The following CCDC171 variants were observed in gnomAD, a reference collection of about 807,000 sequenced individuals.
CCDC171 encodes the protein coiled-coil domain-containing protein 171.
A neutral mutation model predicts 168.2 loss-of-function variants in CCDC171; 177 were observed. The ratio of observed to expected loss-of-function variants is 1.05; its 90% CI spans 0.93 to 1.19. CCDC171 has a LOEUF of 1.19. CCDC171 is among the 50% of genes most tolerant of loss of function. CCDC171 has a pLI of 0.00. For synonymous variants in CCDC171, 687 were observed against 540.8 expected, an observed-to-expected ratio of 1.27 and a Z score of -3.75; for missense variants, 1,991 against 1,539.0, an observed-to-expected ratio of 1.29 and a Z score of -4.91.
chr9:16,105,577 T>C, the CCDC171 span, among the ~76,000 whole-genome samples: 1 of 152,212 alleles, frequency 6.6e-6, no homozygotes, highest in South Asian at 2.1e-4. Context: ...AATGAACTCA[T>C]CTAACAGCAA....
At position 15,809,792 on chromosome 9, in the gene CCDC171, C is replaced by T. The variant is rs139782035; in HGVS notation, c.3267+25098C>T. On this transcript the variant is annotated intron_variant, in intron 21 of 25. Transcript: ENST00000380701. The stretch of plus-strand genomic sequence containing the variant: ...AAAGAGCGAAAGAACAAAGCTTCCA[C>T]AATGTGGAAGAGGACCCGAACGGGT... Among the ~76,000 whole-genome samples the T allele has an allele frequency of 1.5e-3, 221 of 152,276 alleles. 1 individual carries two copies. The highest frequency in any genetic ancestry group is 5.1e-3 in the African/African-American group (212 of 41,562).
At chr9:15,747,424 G>T (rs964591848) in intron 18 of CCDC171, among the ~76,000 whole-genome samples, 1 of 152,178 alleles carries the variant, frequency 6.6e-6, no homozygotes, top group South Asian at 2.1e-4. Flanking sequence ...GCATCCTCAA[G>T]TGGGTCCCTG....
the CCDC171 span, among the ~76,000 whole-genome samples, chr9:16,075,348 T>C: frequency 6.6e-6 from 1 of 152,240 alleles, no homozygotes; most frequent in Non-Finnish European, 1.5e-5. Flanking sequence ...TCTCTTTTGA[T>C]TTCCTGTTCC....
the CCDC171 span, among the ~76,000 whole-genome samples, chr9:16,085,790 G>T: frequency 3.6e-3 from 550 of 152,290 alleles, 2 homozygotes; most frequent in African/African-American, 0.013. Context: ...GCCCAAGACT[G>T]TGTGAGACCT....
At chr9:15,678,106 T>C (rs2133398219) in intron 9 of CCDC171, among the ~76,000 whole-genome samples, 1 of 151,050 alleles carries the variant, frequency 6.6e-6, no homozygotes, top group South Asian at 2.1e-4. Flanking sequence ...AGATCGAGTC[T>C]TGTTTTGTTG....
Position 15,779,107 on chromosome 9 carries a change from A to C in CCDC171, c.3038A>C (p.Lys1013Thr). Residue 1013 changes from lysine to threonine, a missense_variant, in exon 20 of 26, where the codon AAA (lysine) becomes ACA (threonine). By Grantham distance (78) the Lys-to-Thr change is moderately conservative. Transcript: ENST00000380701. ...AATGAAATGAAAAAGGAGCTTGACA[A>C]AGCCCAGGGTCTGCAAATGCAATTA... Reference protein sequence around the residue: ...SVNEMKKELDKAQGLQMQLNE... With the variant: ...SVNEMKKELDTAQGLQMQLNE... The C allele has an allele frequency of 6.3e-7, 1 of 1,598,142 alleles. No homozygotes were observed. Among genetic ancestry groups the C allele is most frequent in the Non-Finnish European group, 8.5e-7 (1 of 1,173,692 alleles).
At chr9:15,890,145 G>C (rs1184475621) in intron 24 of CCDC171, among the ~76,000 whole-genome samples, 2 of 151,842 alleles carry the variant, frequency 1.3e-5, no homozygotes, top group African/African-American at 4.8e-5. Flanking sequence ...TGTACTCTGG[G>C]ACACAAAGGT....
chr9:15,987,215 A>G (rs1263284482), intron 3 of CCDC171, among the ~76,000 whole-genome samples: 1 of 152,188 alleles, frequency 6.6e-6, no homozygotes, highest in Non-Finnish European at 1.5e-5. Flanking sequence ...AAAGTAGAGA[A>G]AAAATTTGTA....
At chr9:15,908,562 T>C (rs200805289) in intron 24 of CCDC171, among the ~76,000 whole-genome samples, 1 of 152,072 alleles carries the variant, frequency 6.6e-6, no homozygotes, top group Admixed American at 6.6e-5. Flanking sequence ...GTTAAATGAT[T>C]AGTTACTGGG....
the CCDC171 span, among the ~76,000 whole-genome samples, chr9:16,095,869 C>CATATAT: frequency 0.037 from 4,588 of 123,530 alleles, 122 homozygotes; most frequent in East Asian, 0.065. Context: ...CACATAGGCA[C>CATATAT]ATATATATAT....
At chr9:15,666,763 T>C (rs1426296549) in intron 9 of CCDC171, among the ~76,000 whole-genome samples, 4 of 152,146 alleles carry the variant, frequency 2.6e-5, no homozygotes, top group Non-Finnish European at 5.9e-5. Flanking sequence ...AGTTCAAGGC[T>C]GAAGTGAGCT....
chr9:15,699,495 T>C (rs977565739), intron 11 of CCDC171, among the ~76,000 whole-genome samples: 2 of 152,152 alleles, frequency 1.3e-5, no homozygotes, highest in Admixed American at 1.3e-4. Context: ...GTCCTGCTGA[T>C]TGGTAGAGCC....
intron 24 of CCDC171, among the ~76,000 whole-genome samples, chr9:15,887,470 C>G (rs1819583206): frequency 6.6e-6 from 1 of 151,826 alleles, no homozygotes; most frequent in African/African-American, 2.4e-5. Context: ...AAGTAACTCA[C>G]TGAAGAAAAC....
chr9:15,995,703 T>C (rs528993052), intron 3 of CCDC171, among the ~76,000 whole-genome samples: 26 of 152,378 alleles, frequency 1.7e-4, no homozygotes, highest in Admixed American at 4.6e-4. Context: ...TGTTGCTTCA[T>C]GATCAGCAGA....
chr9:15,656,348 G>C (rs1244575745), intron 7 of CCDC171, among the ~76,000 whole-genome samples: 1 of 151,028 alleles, frequency 6.6e-6, no homozygotes. Flanking sequence ...AAATCAATAT[G>C]TACCTGTCAT....
At chr9:15,751,454 C>T (rs963641012) in intron 18 of CCDC171, among the ~76,000 whole-genome samples, 1 of 152,144 alleles carries the variant, frequency 6.6e-6, no homozygotes, top group Non-Finnish European at 1.5e-5. Context: ...CCAAGAAGAG[C>T]CCGCATAGCC....
intron 25 of CCDC171, among the ~76,000 whole-genome samples, chr9:15,939,211 C>T (rs1369492361): frequency 6.6e-6 from 1 of 151,358 alleles, no homozygotes; most frequent in Non-Finnish European, 1.5e-5. Context: ...TAAATATTCT[C>T]ACTATTTCAT....
chr9:15,998,381 T>C lies in CCDC171; in HGVS notation n.369-22208T>C, dbSNP rs566907726. 2.4e-3 allele frequency among the ~76,000 whole-genome samples: 372 copies of C among 152,302 alleles called. 2 individuals are homozygous for C. Among genetic ancestry groups the C allele is most frequent in the African/African-American group, 8.4e-3 (349 of 41,584 alleles). On this transcript the variant is annotated intron_variant and non_coding_transcript_variant, in intron 3 of 9. Coordinates refer to the CCDC171 transcript ENST00000486641. ...AGATATGATCAGTGGATCCCACCTC[T>C]CCTTCACTGGGAAGTGGATCTCCTA...
intron 21 of CCDC171, among the ~76,000 whole-genome samples, chr9:15,803,339 A>G (rs911223015): frequency 6.6e-6 from 1 of 150,784 alleles, no homozygotes; most frequent in Non-Finnish European, 1.5e-5. Flanking sequence ...GCCCATGCCT[A>G]TGTCCTGAAT....
Sources: gnomAD v4.1 joint callset for allele counts (sites outside exome capture counted in the v4.1 genomes callset) on GRCh38, gnomAD v4.1.1 for gene constraint, MANE v1.5 for transcripts, NCBI Gene and HGNC (gene_info 2026-07-23, HGNC 2026-07-21) for gene names.